Variants in SOCS2 observed in about 807,000 individuals in gnomAD.
The protein encoded by SOCS2 is CIS-2.
SOCS2 carries 10 observed loss-of-function variants against 18.6 expected under a neutral mutation model. The ratio of observed to expected loss-of-function variants is 0.54; its 90% confidence interval spans 0.33 to 0.91. SOCS2 has a LOEUF of 0.91. Ranked by LOEUF, SOCS2 falls within the 40% of genes least tolerant of loss-of-function variation. The pLI is 0.02. For missense variants in SOCS2, 231 were observed against 247.2 expected (o/e 0.93, Z 0.44); for synonymous variants, 104 against 104.0 (o/e 1.00, Z 0.00).
the SOCS2 span, among the ~76,000 whole-genome samples, chr12:93,614,545 T>TTCTTTC: frequency 9.9e-5 from 2 of 20,256 alleles, no homozygotes; most frequent in African/African-American, 6.3e-4. Context: ...CCTTCCTTCT[T>TTCTTTC]TCTTTCTTTC....
the SOCS2 span, among the ~76,000 whole-genome samples, chr12:93,623,460 G>C: frequency 1.3e-5 from 2 of 151,180 alleles, no homozygotes; most frequent in Non-Finnish European, 3.0e-5. Context: ...TACGTTTTAG[G>C]GTACATGTGC....
At chr12:93,604,723 G>A in the SOCS2 span, among the ~76,000 whole-genome samples, 3 of 152,054 alleles carry the variant, frequency 2.0e-5, no homozygotes, top group Admixed American at 6.6e-5. Flanking sequence ...GTAGTGGTGC[G>A]ATCACAGCTC....
In SOCS2 at chr12:93,572,788, C is replaced by A; in HGVS notation, c.-110C>A. ...TCTCTCTCTGCCACCATTTCGGACA[C>A]CCCGCAGGGACTCGTTTTGGGATTC... On this transcript the variant is annotated 5_prime_UTR_variant, in exon 1 of 2. Transcript: ENST00000551556. This position sits in a 1 kb window ranked among gnomAD's most constrained non-coding sequence, Gnocchi z 5.0. 1.4e-6 allele frequency: 2 copies of A among 1,398,180 alleles called. No homozygotes were observed. The highest frequency in any genetic ancestry group is 2.0e-6 in the Non-Finnish European group (2 of 1,013,152). 86.6% of individuals were successfully genotyped at this position (1,398,180 alleles called of 1,614,324 possible). A position where few individuals can be genotyped will look rare whatever the true frequency, so the allele number is the denominator to read the frequency against.
chr12:93,618,152 G>A, the SOCS2 span, among the ~76,000 whole-genome samples: 1 of 152,130 alleles, frequency 6.6e-6, no homozygotes, highest in Admixed American at 6.5e-5. Context: ...AGATGTGCCT[G>A]CTTACCCTTT....
chr12:93,607,658 C>T, the SOCS2 span, among the ~76,000 whole-genome samples: 1 of 152,128 alleles, frequency 6.6e-6, no homozygotes, highest in African/African-American at 2.4e-5. Flanking sequence ...GATGCCAAAC[C>T]CTTTGTAATC....
chr12:93,621,005 G>A, the SOCS2 span, among the ~76,000 whole-genome samples: 1 of 152,186 alleles, frequency 6.6e-6, no homozygotes, highest in African/African-American at 2.4e-5. Flanking sequence ...GAGGAGAGCT[G>A]CAGTCATGAT....
chr12:93,619,322 C>T, the SOCS2 span, among the ~76,000 whole-genome samples: 1 of 152,188 alleles, frequency 6.6e-6, no homozygotes, highest in African/African-American at 2.4e-5. Flanking sequence ...GAGCCTTACA[C>T]AGTCCATAGG....
the SOCS2 span, among the ~76,000 whole-genome samples, chr12:93,614,563 CT>C: frequency 1.9e-5 from 1 of 51,626 alleles, no homozygotes. Context: ...TTCTTTCTTT[CT>C]TTCTTTCTTT....
the SOCS2 span, among the ~76,000 whole-genome samples, chr12:93,589,503 G>A: frequency 6.6e-6 from 1 of 152,144 alleles, no homozygotes; most frequent in African/African-American, 2.4e-5. Context: ...GTAATCTTAA[G>A]CCAGAAATTG....
At chr12:93,602,285 G>A in the SOCS2 span, among the ~76,000 whole-genome samples, 4 of 152,012 alleles carry the variant, frequency 2.6e-5, no homozygotes, top group Admixed American at 6.6e-5. Context: ...TAGTAGAGAC[G>A]AGGTCTCACT....
chr12:93,583,728 A>ATAGCC (rs1418467763), downstream of SOCS2, among the ~76,000 whole-genome samples: 2 of 152,226 alleles, frequency 1.3e-5, no homozygotes, highest in East Asian at 3.8e-4. Flanking sequence ...CCATTCTATA[A>ATAGCC]CAGACCAACT....
the SOCS2 span, among the ~76,000 whole-genome samples, chr12:93,611,529 G>C: frequency 5.9e-5 from 9 of 152,160 alleles, no homozygotes; most frequent in Non-Finnish European, 1.0e-4. Flanking sequence ...GAGCCACCTC[G>C]TCTGGCCAAG....
chr12:93,578,712 A>G (rs1176458499), downstream of SOCS2, among the ~76,000 whole-genome samples: 1 of 150,270 alleles, frequency 6.7e-6, no homozygotes, highest in East Asian at 2.0e-4. Context: ...ACACACACAC[A>G]GGCACACAAC....
At chr12:93,574,518 T>G in intron 1 of SOCS2, 1 of 434,952 alleles carries the variant, frequency 2.3e-6, no homozygotes, top group Non-Finnish European at 4.0e-6. Context: ...TCGCCGTTTG[T>G]GTTCATAAAA....
downstream of SOCS2, among the ~76,000 whole-genome samples, chr12:93,586,556 G>A (rs1350093428): frequency 5.9e-5 from 9 of 152,104 alleles, no homozygotes; most frequent in Non-Finnish European, 1.2e-4. Context: ...GCAAATTTCT[G>A]TATAACGAAA....
At chr12:93,583,197 T>G (rs910253450) in exon 2 of SOCS2, 2 of 152,080 alleles carry the variant, frequency 1.3e-5, no homozygotes, top group Non-Finnish European at 2.9e-5. Context: ...ACCCTTTGGA[T>G]GAATTTTCAT....
At chr12:93,615,065 C>T in the SOCS2 span, among the ~76,000 whole-genome samples, 1 of 152,038 alleles carries the variant, frequency 6.6e-6, no homozygotes, top group Non-Finnish European at 1.5e-5. Context: ...GGGATGACTT[C>T]TCTGAATCTC....
the SOCS2 span, among the ~76,000 whole-genome samples, chr12:93,590,587 G>C: frequency 3.3e-5 from 5 of 151,480 alleles, no homozygotes; most frequent in African/African-American, 1.2e-4. Flanking sequence ...ACGAGGTCAG[G>C]AGATCGAGAC....
chr12:93,612,133 A>G, the SOCS2 span, among the ~76,000 whole-genome samples: 1 of 152,188 alleles, frequency 6.6e-6, no homozygotes, highest in Non-Finnish European at 1.5e-5. Flanking sequence ...GAAGCAAAAT[A>G]AAAGGATGTA....
Sources: allele counts gnomAD v4.1 joint callset (sites outside exome capture counted in the v4.1 genomes callset), GRCh38; gene constraint gnomAD v4.1.1; non-coding constraint Gnocchi (gnomAD v3.1); transcripts MANE v1.5; gene names NCBI Gene and HGNC (gene_info 2026-07-23, HGNC 2026-07-21).